The following ANKS1B variants were observed in gnomAD, a reference collection of about 807,000 sequenced individuals.
ANKS1B encodes the protein ankyrin repeat and sterile alpha motif domain-containing protein 1B.
In ANKS1B, 36 loss-of-function variants were observed where a neutral mutation model predicts 148.3. The ratio of observed to expected loss-of-function variants is 0.24; its 90% confidence interval spans 0.19 to 0.32. The LOEUF (loss-of-function observed/expected upper bound fraction) is 0.32. Among genes scored for constraint, ANKS1B ranks in the 10% least tolerant of loss-of-function variants. ANKS1B has a pLI of 1.00. For synonymous variants in ANKS1B, 542 were observed against 560.8 expected (o/e 0.97, Z 0.47); for missense variants, 1,157 against 1,542.6 (o/e 0.75, Z 4.19).
At chr12:98,912,824 A>T (rs2099788571) in intron 17 of ANKS1B, among the ~76,000 whole-genome samples, 1 of 152,150 alleles carries the variant, frequency 6.6e-6, no homozygotes, top group South Asian at 2.1e-4. Flanking sequence ...TAGCTCAGGG[A>T]CTCAACATTA....
chr12:99,640,065 G>A (rs2098285768), intron 9 of ANKS1B, among the ~76,000 whole-genome samples: 1 of 152,110 alleles, frequency 6.6e-6, no homozygotes, highest in Non-Finnish European at 1.5e-5. Context: ...CCAGCTACTT[G>A]GGAGGCCGAG....
At chr12:99,891,624 A>G (rs2093116614) in intron 1 of ANKS1B, among the ~76,000 whole-genome samples, 1 of 152,236 alleles carries the variant, frequency 6.6e-6, no homozygotes, top group Non-Finnish European at 1.5e-5. Context: ...AATGTCTATT[A>G]GAATCTTTGA....
At chr12:99,595,914 AAC>A (rs557918776) in intron 9 of ANKS1B, among the ~76,000 whole-genome samples, 36 of 152,040 alleles carry the variant, frequency 2.4e-4, no homozygotes, top group Non-Finnish European at 4.0e-4. Flanking sequence ...TCCAAAAATC[AAC>A]ACAGTTTGGT....
At chr12:99,068,092 A>G (rs1298447532) in intron 16 of ANKS1B, among the ~76,000 whole-genome samples, 2 of 152,142 alleles carry the variant, frequency 1.3e-5, no homozygotes, top group Admixed American at 1.3e-4. Flanking sequence ...ATCATTCTAG[A>G]TATTGTATAT....
chr12:98,988,074 A>T (rs2099924462), intron 17 of ANKS1B, among the ~76,000 whole-genome samples: 1 of 152,234 alleles, frequency 6.6e-6, no homozygotes, highest in Admixed American at 6.5e-5. Context: ...ATGACTAAGT[A>T]TAATTAACAT....
chr12:99,332,337 CAGAT>C (rs750929358), intron 12 of ANKS1B, among the ~76,000 whole-genome samples: 15 of 152,106 alleles, frequency 9.9e-5, no homozygotes, highest in Middle Eastern at 3.4e-3. Flanking sequence ...AAAACATAGG[CAGAT>C]AGATTACAAC....
At chr12:99,397,743 A>C (rs951610971) in intron 12 of ANKS1B, among the ~76,000 whole-genome samples, 1 of 152,158 alleles carries the variant, frequency 6.6e-6, no homozygotes, top group Non-Finnish European at 1.5e-5. Context: ...AAAATGCCTA[A>C]AACAGTTCCT....
intron 8 of ANKS1B, among the ~76,000 whole-genome samples, chr12:99,726,647 C>A (rs2058649746): frequency 6.6e-6 from 1 of 152,142 alleles, no homozygotes. Context: ...ATGAGGCCAT[C>A]ATCATCCTGA....
chr12:99,857,786 A>G (rs2089404058), intron 1 of ANKS1B, among the ~76,000 whole-genome samples: 1 of 152,182 alleles, frequency 6.6e-6, no homozygotes, highest in African/African-American at 2.4e-5. Context: ...TAAATAGGAG[A>G]AAAGACACCT....
At chr12:98,999,105 T>A (rs1395258483) in intron 17 of ANKS1B, among the ~76,000 whole-genome samples, 2 of 152,232 alleles carry the variant, frequency 1.3e-5, no homozygotes, top group African/African-American at 4.8e-5. Flanking sequence ...CACTGCTGCA[T>A]CTAGAAAAGC....
intron 12 of ANKS1B, among the ~76,000 whole-genome samples, chr12:99,355,784 G>C (rs374292611): frequency 2.0e-5 from 3 of 151,950 alleles, no homozygotes; most frequent in East Asian, 3.9e-4. Context: ...CCATGTACCT[G>C]TCCATTTATT....
chr12:99,410,279 T>C (rs1246636135), intron 11 of ANKS1B, among the ~76,000 whole-genome samples: 1 of 152,126 alleles, frequency 6.6e-6, no homozygotes, highest in Non-Finnish European at 1.5e-5. Context: ...TAGCAGAGTG[T>C]AGTAGTTGTA....
At chr12:99,519,228 T>G (rs1172551075) in intron 9 of ANKS1B, among the ~76,000 whole-genome samples, 1 of 152,160 alleles carries the variant, frequency 6.6e-6, no homozygotes, top group Admixed American at 6.5e-5. Context: ...TAAGTATCTA[T>G]TAAGTGAATT....
chr12:99,336,020 C>G (rs2088785183), intron 12 of ANKS1B, among the ~76,000 whole-genome samples: 1 of 152,160 alleles, frequency 6.6e-6, no homozygotes, highest in Admixed American at 6.6e-5. Flanking sequence ...TCCTCGCTAG[C>G]ATTCACTATT....
At chr12:99,567,236 T>C (rs2097404616) in intron 9 of ANKS1B, among the ~76,000 whole-genome samples, 1 of 152,180 alleles carries the variant, frequency 6.6e-6, no homozygotes. Context: ...GTTTACAAAA[T>C]GATTCTTTGC....
intron 14 of ANKS1B, among the ~76,000 whole-genome samples, chr12:99,217,416 G>T (rs1451646736): frequency 3.9e-5 from 6 of 151,934 alleles, no homozygotes; most frequent in Admixed American, 3.3e-4. Context: ...AATACCCATG[G>T]AAATGTTTTC....
At chr12:99,277,726 G>A (rs1379124439) in intron 12 of ANKS1B, among the ~76,000 whole-genome samples, 1 of 152,166 alleles carries the variant, frequency 6.6e-6, no homozygotes, top group Non-Finnish European at 1.5e-5. Flanking sequence ...GAACTGGTAT[G>A]AGTCACTAAC....
In ANKS1B at chr12:98,895,213, G is replaced by A. The variant is rs571402770; in HGVS notation, c.2779-63077C>T. On this transcript the variant is annotated intron_variant, in intron 17 of 26. Transcript: ENST00000683438. ...GGCTGCAGGGCGCCTAGCACTGGGGGTTGCCGGCGCGCGGGGGCCTCCTCC... is the reference window on the plus strand; with the variant it reads ...GGCTGCAGGGCGCCTAGCACTGGGGATTGCCGGCGCGCGGGGGCCTCCTCC... 7.1e-6 allele frequency: 7 copies of A among 985,266 alleles called. No homozygotes were observed. The African/African-American group carries it at 1.0e-4, about 15-fold the overall frequency. The allele number at this position is 985,266 out of a possible 1,614,324, so 61.0% of individuals were successfully genotyped here.
intron 17 of ANKS1B, among the ~76,000 whole-genome samples, chr12:99,012,596 A>G (rs2099940083): frequency 6.6e-6 from 1 of 152,142 alleles, no homozygotes; most frequent in Admixed American, 6.6e-5. Flanking sequence ...TTTACTAGGT[A>G]TTTCCCATCA....
Sources: gnomAD v4.1 joint callset for allele counts (sites outside exome capture counted in the v4.1 genomes callset) on GRCh38, gnomAD v4.1.1 for gene constraint, MANE v1.5 for transcripts, NCBI Gene and HGNC (gene_info 2026-07-23, HGNC 2026-07-21) for gene names.